DYRK4: variants seen among roughly 807,000 people sequenced by gnomAD.
The protein encoded by DYRK4 is dual specificity tyrosine phosphorylation regulated kinase 4.
In DYRK4, 64 loss-of-function variants were observed where a neutral mutation model predicts 68.3. That is an observed-to-expected ratio of 0.94 (90% CI 0.77 to 1.15). The LOEUF is 1.15. Ranked by LOEUF, DYRK4 falls within the 50% of genes most tolerant of loss-of-function variation. The pLI is 0.00. For synonymous variants in DYRK4, 274 were observed against 289.9 expected (o/e 0.95, Z 0.56); for missense variants, 740 against 764.7 (o/e 0.97, Z 0.38).
chr12:4,598,179 C>T (rs1241220786), intron 8 of DYRK4, among the ~76,000 whole-genome samples: 2 of 152,110 alleles, frequency 1.3e-5, no homozygotes, highest in Admixed American at 1.3e-4. Context: ...AGTTTGAGAC[C>T]AGCCTGGACA....
Position 4,599,782 on chromosome 12 carries a change from C to G in DYRK4, c.1120C>G (p.Gln374Glu), listed in dbSNP as rs777746913. The change falls in exon 10 of 15, where the codon CAG (glutamine) becomes GAG (glutamate). Residue 374 changes from glutamine (Q) to glutamate (E), a missense_variant. Physicochemically the swap from Gln to Glu is conservative, Grantham distance 29 (BLOSUM62 2). Coordinates refer to ENST00000543431, the MANE Select transcript of DYRK4 (RefSeq NM_001394779.1). ...IDFGSSCYEH[Q>E]KVYTYIQSRF... ...CTTTGGATCAAGCTGTTATGAACAC[C>G]AGAAAGGTGAGCCCCATGTCAGTCC... is the stretch of plus-strand genomic sequence containing the variant. The G allele has an allele frequency of 6.2e-7, 1 of 1,613,720 alleles. No homozygotes were observed. The highest frequency in any genetic ancestry group is 2.2e-5 in the East Asian group (1 of 44,866).
chr12:4,593,030 G>A lies in DYRK4; in HGVS notation c.492G>A (p.Leu164=), dbSNP rs755136864. 2 of 1,614,166 alleles carry A rather than the reference G, an allele frequency of 1.2e-6. No homozygotes were observed. Among genetic ancestry groups the A allele is most frequent in the Non-Finnish European group, 1.7e-6 (2 of 1,180,012 alleles). ...CCCTAAAGCTTTTTAAGAACCAGCTGTCTCCATATGAACAAAGTGAAATCC... is the reference window on the plus strand; with the variant it reads ...CCCTAAAGCTTTTTAAGAACCAGCTATCTCCATATGAACAAAGTGAAATCC... ...AEALKLFKNQ[L]SPYEQSEILG... is the part of the protein sequence containing the mutation. The change falls in exon 6 of 15, where the codon CTG becomes CTA. Residue 164 remains leucine (L), a synonymous_variant. Coordinates refer to ENST00000543431, the MANE Select transcript of DYRK4 (RefSeq NM_001394779.1).
intron 12 of DYRK4, among the ~76,000 whole-genome samples, chr12:4,608,870 G>A (rs537139767): frequency 1.2e-4 from 18 of 152,298 alleles, no homozygotes; most frequent in Admixed American, 3.9e-4. Flanking sequence ...GCAATCTGGC[G>A]GTAGGCAAAG....
intron 10 of DYRK4, among the ~76,000 whole-genome samples, chr12:4,600,849 GCCCCTTC>G (rs147105366): frequency 0.076 from 11,590 of 151,708 alleles, 756 homozygotes; most frequent in East Asian, 0.28. Flanking sequence ...TCAATCTCTA[GCCCCTTC>G]CCCCTTCCTA....
chr12:4,611,540 A>G (rs1442761877), intron 13 of DYRK4, among the ~76,000 whole-genome samples: 4 of 152,260 alleles, frequency 2.6e-5, no homozygotes, highest in African/African-American at 4.8e-5. Context: ...GCCAAGTTCA[A>G]TAGGCATAAA....
At chr12:4,588,460 G>C (rs1369241182) in intron 2 of DYRK4, among the ~76,000 whole-genome samples, 1 of 152,138 alleles carries the variant, frequency 6.6e-6, no homozygotes, top group Non-Finnish European at 1.5e-5. Context: ...CACCCTTCTA[G>C]GCGTGAAGTC....
chr12:4,583,345 G>A lies in DYRK4; in HGVS notation c.133-5592G>A, dbSNP rs1205245881. Among the ~76,000 whole-genome samples, 4 of 151,802 alleles carry A rather than the reference G, an allele frequency of 2.6e-5. No individual in the cohort carries two copies. In the East Asian group the frequency reaches 5.8e-4, roughly 22 times the overall value. On this transcript the variant is annotated intron_variant, in intron 2 of 14. Coordinates refer to ENST00000543431, the MANE Select transcript of DYRK4 (RefSeq NM_001394779.1). ...CTCCTGCTCTGTTTCTGCTTGGAAT[G>A]TTCTCCCATCACCCACCCCAACGCC...
intron 11 of DYRK4, among the ~76,000 whole-genome samples, chr12:4,606,150 C>G (rs901648609): frequency 3.9e-5 from 6 of 152,110 alleles, no homozygotes; most frequent in Admixed American, 3.9e-4. Flanking sequence ...ATCTATTATG[C>G]TTTCACTTGA....
chr12:4,602,850 T>G (rs1945096635), intron 10 of DYRK4: 2 of 1,159,126 alleles, frequency 1.7e-6, no homozygotes, highest in Non-Finnish European at 2.6e-6. Flanking sequence ...TCATTGGAAA[T>G]ACATCACTGT....
chr12:4,592,746 A>G (rs1320159308), intron 5 of DYRK4: 1 of 384,256 alleles, frequency 2.6e-6, no homozygotes, highest in African/African-American at 2.1e-5. Flanking sequence ...TCTAACCCCC[A>G]GGTGTTTGGG....
intron 2 of DYRK4, among the ~76,000 whole-genome samples, chr12:4,574,245 A>T (rs1281392889): frequency 6.6e-6 from 1 of 151,232 alleles, no homozygotes; most frequent in Non-Finnish European, 1.5e-5. Flanking sequence ...AAAAAAAAAA[A>T]AAGGAAAGAA....
intron 5 of DYRK4, among the ~76,000 whole-genome samples, chr12:4,592,217 T>C (rs1265270109): frequency 6.6e-6 from 1 of 152,206 alleles, no homozygotes; most frequent in Non-Finnish European, 1.5e-5. Context: ...ATGCCTTGGC[T>C]CTGTCCTCTG....
intron 10 of DYRK4, chr12:4,602,202 CAT>C (rs1945088894): frequency 4.6e-6 from 4 of 868,028 alleles, no homozygotes; most frequent in Admixed American, 1.8e-5. Context: ...CTCTGCTGTT[CAT>C]GTCTTCAATC....
rs1238784522 is a variant in DYRK4 at position 4,612,630 on chromosome 12, G to GC, written c.1582dup (p.Gln528ProfsTer13). 1 of 1,614,186 alleles carries GC rather than the reference G, an allele frequency of 6.2e-7. No individual in the cohort carries two copies. Among genetic ancestry groups the GC allele is most frequent in the East Asian group, 2.2e-5 (1 of 44,882 alleles). ...CTCGGAACCTCAAGCCACAGCCCAG[G>GC]CCCCAGACCCTGAGGAAATCCAATT... On this transcript the variant is annotated frameshift_variant, in exon 14 of 15. Transcript: ENST00000543431. LOFTEE classifies it high-confidence loss of function.
chr12:4,613,385 C>A lies in DYRK4; in HGVS notation c.1667-130C>A. ...AATAATGCCCGGCACATTGGAGGTG[C>A]TTTACAAATGAACTGTTTTTATATC... On this transcript the variant is annotated intron_variant, in intron 14 of 14. Transcript: ENST00000543431. This position sits in a 1 kb window ranked among gnomAD's most constrained non-coding sequence, Gnocchi z 4.0. The A allele has an allele frequency of 8.2e-7, 1 of 1,218,276 alleles. No homozygotes were observed. Among genetic ancestry groups the A allele is most frequent in the South Asian group, 1.7e-5 (1 of 59,884 alleles). 75.5% of individuals were successfully genotyped at this position (1,218,276 alleles called of 1,614,324 possible).
chr12:4,588,338 A>G (rs544634839), intron 2 of DYRK4, among the ~76,000 whole-genome samples: 2 of 152,324 alleles, frequency 1.3e-5, no homozygotes, highest in East Asian at 3.9e-4. Flanking sequence ...GTAAATCCAT[A>G]CCCATTAGAT....
At chr12:4,574,803 C>T (rs1442815131) in intron 2 of DYRK4, among the ~76,000 whole-genome samples, 4 of 151,582 alleles carry the variant, frequency 2.6e-5, no homozygotes, top group African/African-American at 7.3e-5. Flanking sequence ...CTGCAGCCTC[C>T]GCCTCCCCAG....
chr12:4,573,273 G>C, intron 2 of DYRK4: 1 of 1,274,344 alleles, frequency 7.8e-7, no homozygotes, highest in Non-Finnish European at 1.0e-6. Flanking sequence ...TCTACATTTG[G>C]AATGGATTTG....
intron 2 of DYRK4, among the ~76,000 whole-genome samples, chr12:4,583,016 C>T (rs755899608): frequency 1.3e-5 from 2 of 152,148 alleles, no homozygotes; most frequent in South Asian, 4.1e-4. Context: ...CTTAGGAGAC[C>T]ATTGCAATAG....
Sources: allele counts gnomAD v4.1 joint callset (sites outside exome capture counted in the v4.1 genomes callset), GRCh38; gene constraint gnomAD v4.1.1; non-coding constraint Gnocchi (gnomAD v3.1); transcripts MANE v1.5; gene names NCBI Gene and HGNC (gene_info 2026-07-23, HGNC 2026-07-21).